The following ITGA2B variants were observed in gnomAD, a reference collection of about 807,000 sequenced individuals.
ITGA2B encodes the protein integrin subunit alpha 2b, also known as integrin alpha-IIb.
Under a neutral mutation model 142.0 loss-of-function variants are expected in ITGA2B, and 91 were observed. The observed-to-expected ratio is 0.64, with a 90% CI of 0.54 to 0.76. The LOEUF (loss-of-function observed/expected upper bound fraction) is 0.76. ITGA2B is among the 30% of genes least tolerant of loss of function. The pLI, the probability that ITGA2B is intolerant of heterozygous loss-of-function variation, is 0.00. For missense variants in ITGA2B, 1,231 were observed against 1,350.8 expected (o/e 0.91, Z 1.39); for synonymous variants, 536 against 567.2 (o/e 0.94, Z 0.78).
intron 10 of ITGA2B, 29 bp from the exon 11 acceptor site, chr17:44,383,975 G>A (rs780327864): frequency 1.1e-5 from 17 of 1,613,944 alleles, no homozygotes; most frequent in Non-Finnish European, 1.1e-5. Flanking sequence ...CATCATTCAC[G>A]CCGCTGGACA....
chr17:44,385,403 C>G, intron 4 of ITGA2B, 68 bp from the exon 5 acceptor site: 14 of 1,554,786 alleles, frequency 9.0e-6, no homozygotes, highest in Non-Finnish European at 1.2e-5. Context: ...CGGAGGAGGG[C>G]TGGGGGACAG....
At position 44,385,181 on chromosome 17, in the gene ITGA2B, C is replaced by T; in HGVS notation, c.653G>A (p.Gly218Asp). 6.2e-7 allele frequency: 1 copy of T among 1,614,010 alleles called. No individual in the cohort carries two copies. Among genetic ancestry groups the T allele is most frequent in the Non-Finnish European group, 8.5e-7 (1 of 1,180,006 alleles). The change falls in exon 6 of 30, where the codon GGC becomes GAC. Residue 218 changes from glycine to aspartate, a missense_variant. By Grantham distance (94) the Gly-to-Asp change is moderately conservative (BLOSUM62 -1). Coordinates refer to ENST00000262407, the MANE Select transcript of ITGA2B (RefSeq NM_000419.5). ...GCACGTACCTAAGAAATAATAGCCG[C>T]CAGGAGCCCCAAGCACCAGCTCTCC... ...QAGELVLGAPGGYYFLGLLAQ... is the reference protein window; with the variant it reads ...QAGELVLGAPDGYYFLGLLAQ...
At position 44,378,638 on chromosome 17, in the gene ITGA2B, C is replaced by G; in HGVS notation, c.1946+5G>C. ...AGGGTCGGGCAGAATGGGAGGCCTC[C>G]TCACACGCTGGCAGTGAGCTGAAGC... is the stretch of plus-strand genomic sequence containing the variant. On this transcript the variant is annotated splice_donor_5th_base_variant and intron_variant, in intron 19 of 29. Transcript: ENST00000262407. 6.4e-7 allele frequency: 1 copy of G among 1,568,226 alleles called. No individual in the cohort carries two copies. Among genetic ancestry groups the G allele is most frequent in the Non-Finnish European group, 8.6e-7 (1 of 1,156,206 alleles).
rs1567906131 is a variant in ITGA2B at position 44,386,095 on chromosome 17, GC to G, written c.224del (p.Gly75AlafsTer36). 6.2e-7 allele frequency: 1 copy of G among 1,608,350 alleles called. No individual in the cohort carries two copies. Among genetic ancestry groups the G allele is most frequent in the Admixed American group, 1.7e-5 (1 of 59,616 alleles). ...CGCCGCCCGTCTCCTCCTGGCTGGG[GC>G]CCAGGGTCCGCGGGGCGCCCACCAC... ...AIVVGAPRTL[G>X]PSQEETGGVF... On this transcript the variant is annotated frameshift_variant, in exon 2 of 30. Transcript: ENST00000262407.
At chr17:44,384,731 G>GC in intron 7 of ITGA2B, 146 bp from the exon 8 acceptor site, 1 of 1,251,372 alleles carries the variant, frequency 8.0e-7, no homozygotes, top group Non-Finnish European at 1.2e-6. Context: ...GCCAAGCCCT[G>GC]CCCCAGGCTG....
chr17:44,379,978 T>C, intron 17 of ITGA2B, 24 bp downstream of exon 17: 1 of 1,613,022 alleles, frequency 6.2e-7, no homozygotes, highest in Non-Finnish European at 8.5e-7. Context: ...CTCCCAGCCC[T>C]GCCAATCCCC....
At chr17:44,384,706 G>A (rs936298261) in intron 7 of ITGA2B, 121 bp from the exon 8 acceptor site, 45 of 1,344,954 alleles carry the variant, frequency 3.3e-5, no homozygotes, top group East Asian at 9.2e-5. Flanking sequence ...ATGGAAAAAC[G>A]GAGGCCTTCG....
intron 18 of ITGA2B, among the ~76,000 whole-genome samples, chr17:44,379,096 G>A (rs950125135): frequency 1.8e-4 from 27 of 150,544 alleles, no homozygotes; most frequent in East Asian, 9.7e-4. Flanking sequence ...ACAGGTACCC[G>A]CCACCACGCC....
Position 44,385,063 on chromosome 17 carries a change from C to T in ITGA2B, c.684G>A (p.Gln228=), listed in dbSNP as rs1000151886. ...TCGAGAAAATATCCGCAACTGGAGCCTGGGCCAGGAGACCTAGGGCGGGAG... is the reference window on the plus strand; with the variant it reads ...TCGAGAAAATATCCGCAACTGGAGCTTGGGCCAGGAGACCTAGGGCGGGAG... ...GGYYFLGLLA[Q]APVADIFSSY... The change falls in exon 7 of 30, where the codon CAG becomes CAA. Residue 228 remains glutamine, a synonymous_variant. Coordinates refer to ENST00000262407, the MANE Select transcript of ITGA2B (RefSeq NM_000419.5). 1.2e-6 allele frequency: 2 copies of T among 1,613,972 alleles called. No homozygotes were observed. Among genetic ancestry groups the T allele is most frequent in the Non-Finnish European group, 1.7e-6 (2 of 1,180,026 alleles).
chr17:44,388,954 C>T (rs1019234398), intron 1 of ITGA2B, among the ~76,000 whole-genome samples: 20 of 152,028 alleles, frequency 1.3e-4, no homozygotes, highest in East Asian at 3.9e-4. Flanking sequence ...CATGAGCCAC[C>T]GCGCCCGGCC....
chr17:44,377,097 T>C lies in ITGA2B; in HGVS notation c.2188-9A>G. On this transcript the variant is annotated splice_polypyrimidine_tract_variant and intron_variant, in intron 21 of 29. Coordinates refer to ENST00000262407, the MANE Select transcript of ITGA2B (RefSeq NM_000419.5). ...AACATCGCGATTCCTATCTGGGAGA[T>C]GAGGAGGGCCAAGGTCACTGCCCAA... The C allele has an allele frequency of 1.8e-5, 28 of 1,561,482 alleles. No individual in the cohort carries two copies. Among genetic ancestry groups the C allele is most frequent in the Non-Finnish European group, 2.4e-5 (28 of 1,152,378 alleles).
At chr17:44,381,679 G>A (rs1258844971) in intron 12 of ITGA2B, among the ~76,000 whole-genome samples, 1 of 150,622 alleles carries the variant, frequency 6.6e-6, no homozygotes, top group Non-Finnish European at 1.5e-5. Flanking sequence ...TGTCATTCAG[G>A]CTGAAGTGCA....
At position 44,385,614 on chromosome 17, in the gene ITGA2B, G is replaced by A. The variant is rs749432805; in HGVS notation, c.511C>T (p.Arg171Cys). 41 of 1,612,176 alleles carry A rather than the reference G, an allele frequency of 2.5e-5. No homozygotes were observed. The highest frequency in any genetic ancestry group is 1.7e-4 in the Middle Eastern group (1 of 6,052). Residue 171 changes from arginine (R) to cysteine (C), a missense_variant, in exon 4 of 30, where the codon CGC becomes TGC. By Grantham distance (180) the Arg-to-Cys change is radical. Around this residue, in one of 3 missense-constraint regions of ITGA2B, gnomAD observed 318 missense variants for 312.2 expected, o/e 1.02. Coordinates refer to ENST00000262407, the MANE Select transcript of ITGA2B (RefSeq NM_000419.5). ...CFLAQPESGR[R>C]AEYSPCRGNT... Reference sequence around the variant, plus strand: ...CCGCGACAGGGGGAGTACTCGGCGCGGCGGCCGCTCTCTGGCTGAGCCAAA... The same window carrying A: ...CCGCGACAGGGGGAGTACTCGGCGCAGCGGCCGCTCTCTGGCTGAGCCAAA...
intron 29 of ITGA2B, among the ~76,000 whole-genome samples, chr17:44,373,533 AG>A (rs776027846): frequency 2.0e-4 from 31 of 152,334 alleles, no homozygotes; most frequent in African/African-American, 7.0e-4. Context: ...TTTCCCTAAA[AG>A]CACCATGTCT....
At chr17:44,376,887 A>T in intron 22 of ITGA2B, 122 bp downstream of exon 22, 1 of 764,028 alleles carries the variant, frequency 1.3e-6, no homozygotes, top group Non-Finnish European at 2.3e-6. Flanking sequence ...TGCTGGGATT[A>T]CAGGTGTGAG....
rs553717737 is a variant in ITGA2B at position 44,387,718 on chromosome 17, G to T, written c.188+1568C>A. On this transcript the variant is annotated intron_variant, in intron 1 of 29. Transcript: ENST00000262407. ...CACATGCCTGTAATCCCAGCTACGC[G>T]GGAGGCTGTGGCAGGAGAATCGCTT... 1.2e-3 allele frequency among the ~76,000 whole-genome samples: 180 copies of T among 151,042 alleles called. 1 individual carries two copies. The highest frequency in any genetic ancestry group is 4.2e-3 in the African/African-American group (171 of 41,134).
At chr17:44,378,325 C>A (rs778594876) in intron 20 of ITGA2B, 37 bp downstream of exon 20, 2 of 1,591,108 alleles carry the variant, frequency 1.3e-6, no homozygotes, top group South Asian at 2.2e-5. Flanking sequence ...CAGTGCCTCC[C>A]AGGTCCCGGG....
At chr17:44,373,047 T>C (rs1452806935) in intron 29 of ITGA2B, among the ~76,000 whole-genome samples, 1 of 152,070 alleles carries the variant, frequency 6.6e-6, no homozygotes, top group African/African-American at 2.4e-5. Context: ...ACCTGACTAA[T>C]TTTTTTTAAA....
intron 17 of ITGA2B, 81 bp downstream of exon 17, chr17:44,379,921 T>G: frequency 1.2e-6 from 2 of 1,612,874 alleles, no homozygotes; most frequent in Non-Finnish European, 1.7e-6. Flanking sequence ...AGCACCCAGC[T>G]CAGTGCCCCA....
Sources: allele counts gnomAD v4.1 joint callset (sites outside exome capture counted in the v4.1 genomes callset), GRCh38; gene constraint gnomAD v4.1.1; regional missense constraint gnomAD v4.1.1; transcripts MANE v1.5; gene names NCBI Gene and HGNC (gene_info 2026-07-23, HGNC 2026-07-21).